Variants in NKAIN3 observed in about 807,000 individuals in gnomAD.
NKAIN3 encodes the protein sodium/potassium transporting ATPase interacting 3, also known as sodium/potassium-transporting ATPase subunit beta-1-interacting protein 3.
Under a neutral mutation model 30.2 loss-of-function variants are expected in NKAIN3, and 25 were observed. The observed-to-expected ratio is 0.83, with a 90% CI of 0.60 to 1.16. NKAIN3 has a LOEUF of 1.16. Among genes scored for constraint, NKAIN3 ranks in the 50% most tolerant of loss-of-function variants. NKAIN3 has a pLI of 0.00. For missense variants in NKAIN3, 225 were observed against 254.1 expected, an observed-to-expected ratio of 0.89 and a Z score of 0.78; for synonymous variants, 91 against 89.6, an observed-to-expected ratio of 1.02 and a Z score of -0.09.
At chr8:62,812,435 C>A (rs912047837) in intron 4 of NKAIN3, among the ~76,000 whole-genome samples, 2 of 151,738 alleles carry the variant, frequency 1.3e-5, no homozygotes, top group African/African-American at 4.8e-5. Flanking sequence ...GATATCTTTA[C>A]TTTCTTGAGT....
At chr8:62,249,657 G>A (rs1038771056) in intron 1 of NKAIN3, among the ~76,000 whole-genome samples, 1 of 152,160 alleles carries the variant, frequency 6.6e-6, no homozygotes, top group Non-Finnish European at 1.5e-5. Flanking sequence ...GATGGTTAAG[G>A]AGTCTGGGAC....
intron 4 of NKAIN3, among the ~76,000 whole-genome samples, chr8:62,761,579 T>C (rs1321194110): frequency 1.3e-5 from 2 of 152,240 alleles, no homozygotes; most frequent in African/African-American, 4.8e-5. Flanking sequence ...ATGAATTGAC[T>C]GGATGTATTC....
chr8:62,669,594 A>G (rs748602449), intron 3 of NKAIN3, among the ~76,000 whole-genome samples: 16 of 152,186 alleles, frequency 1.1e-4, no homozygotes, highest in Non-Finnish European at 2.1e-4. Context: ...TGACTACACA[A>G]AAAAAACAGT....
intron 1 of NKAIN3, among the ~76,000 whole-genome samples, chr8:62,555,241 G>A (rs1241118066): frequency 6.6e-6 from 1 of 151,892 alleles, no homozygotes; most frequent in Admixed American, 6.6e-5. Context: ...AAGAACCAAG[G>A]TATCATACTT....
rs1823731446 is a variant in NKAIN3, at chr8:62,967,072, A to T, written c.*1665A>T. Among the ~76,000 whole-genome samples, 1 of 152,104 alleles carries T rather than the reference A, an allele frequency of 6.6e-6. No individual in the cohort carries two copies. Among genetic ancestry groups the T allele is most frequent in the Non-Finnish European group, 1.5e-5 (1 of 68,024 alleles). On this transcript the variant is annotated 3_prime_UTR_variant, in exon 7 of 7. Transcript: ENST00000623646. ...AATCCATTGGTACCCACAAACTCCC[A>T]TTACTTTTTTTTCTGCTTAATAAAT...
At chr8:62,921,641 C>T (rs1222850909) in intron 5 of NKAIN3, among the ~76,000 whole-genome samples, 1 of 152,118 alleles carries the variant, frequency 6.6e-6, no homozygotes, top group Non-Finnish European at 1.5e-5. Context: ...CAGAGCTTCT[C>T]GTCATTCATT....
chr8:62,405,152 C>T (rs1804022201), intron 1 of NKAIN3, among the ~76,000 whole-genome samples: 1 of 152,170 alleles, frequency 6.6e-6, no homozygotes, highest in African/African-American at 2.4e-5. Flanking sequence ...GTCCTCTTTA[C>T]TTTTCCCTCT....
intron 3 of NKAIN3, among the ~76,000 whole-genome samples, chr8:62,604,353 A>G (rs13259874): frequency 0.24 from 36,176 of 152,016 alleles, 4,477 homozygotes; most frequent in Middle Eastern, 0.37. Context: ...TTCAGGAATA[A>G]CAGTAGGACA....
intron 1 of NKAIN3, among the ~76,000 whole-genome samples, chr8:62,509,329 C>A (rs1463851073): frequency 6.6e-6 from 1 of 151,980 alleles, no homozygotes; most frequent in African/African-American, 2.4e-5. Flanking sequence ...TAACTTTGAC[C>A]ACCCGCCACA....
chr8:62,770,078 C>A (rs933986617), intron 4 of NKAIN3, among the ~76,000 whole-genome samples: 2 of 152,130 alleles, frequency 1.3e-5, no homozygotes, highest in Non-Finnish European at 2.9e-5. Context: ...TATTATATGG[C>A]AAAAGTGCTA....
intron 4 of NKAIN3, among the ~76,000 whole-genome samples, chr8:62,888,211 T>C (rs553103375): frequency 3.6e-4 from 55 of 152,314 alleles, no homozygotes; most frequent in Middle Eastern, 3.4e-3. Context: ...AAAATCCTAA[T>C]AGTTTAGGTC....
At chr8:62,944,993 A>G (rs1394197412) in intron 5 of NKAIN3, among the ~76,000 whole-genome samples, 2 of 152,150 alleles carry the variant, frequency 1.3e-5, no homozygotes, top group Admixed American at 1.3e-4. Context: ...ATGTCACTCA[A>G]TTTTTTAAAA....
intron 4 of NKAIN3, among the ~76,000 whole-genome samples, chr8:62,910,741 C>G (rs973241852): frequency 9.8e-5 from 13 of 132,200 alleles, no homozygotes; most frequent in South Asian, 7.6e-4. Flanking sequence ...CAAGATTCTT[C>G]CATCGGGACA....
chr8:62,454,688 G>C (rs1805759606), intron 1 of NKAIN3, among the ~76,000 whole-genome samples: 1 of 152,136 alleles, frequency 6.6e-6, no homozygotes, highest in Non-Finnish European at 1.5e-5. Flanking sequence ...AATGATTAAA[G>C]AGAACAAACC....
intron 1 of NKAIN3, among the ~76,000 whole-genome samples, chr8:62,327,450 T>C (rs574723726): frequency 1.3e-5 from 2 of 152,216 alleles, no homozygotes; most frequent in South Asian, 4.1e-4. Context: ...ATAGGTTAGC[T>C]GTAACATTTA....
At chr8:62,564,570 T>C (rs1809687949) in intron 1 of NKAIN3, among the ~76,000 whole-genome samples, 1 of 152,220 alleles carries the variant, frequency 6.6e-6, no homozygotes, top group Non-Finnish European at 1.5e-5. Flanking sequence ...CCATATGTGT[T>C]CTACACTGGA....
At chr8:62,579,458 T>A in intron 1 of NKAIN3, 81 bp from the exon 2 acceptor site, 8 of 1,074,160 alleles carry the variant, frequency 7.4e-6, no homozygotes, top group Non-Finnish European at 9.0e-6. Context: ...ATATGCAGAC[T>A]CCTCCAGCCA....
At chr8:62,624,945 T>A (rs1811747358) in intron 3 of NKAIN3, among the ~76,000 whole-genome samples, 1 of 152,092 alleles carries the variant, frequency 6.6e-6, no homozygotes, top group Non-Finnish European at 1.5e-5. Context: ...TCACTAGAAA[T>A]TTTTTAAAAC....
At chr8:62,854,597 G>T (rs970138857) in intron 4 of NKAIN3, among the ~76,000 whole-genome samples, 6 of 152,110 alleles carry the variant, frequency 3.9e-5, no homozygotes, top group African/African-American at 1.2e-4. Context: ...GTCTTTGCAT[G>T]TTAGATAGCT....
Sources: allele counts gnomAD v4.1 joint callset (sites outside exome capture counted in the v4.1 genomes callset), GRCh38; gene constraint gnomAD v4.1.1; transcripts MANE v1.5; gene names NCBI Gene and HGNC (gene_info 2026-07-23, HGNC 2026-07-21).